BTBD9: variants seen among roughly 807,000 people sequenced by gnomAD.
The protein encoded by BTBD9 is BTB/POZ domain-containing protein 9.
BTBD9 carries 49 observed loss-of-function variants against 64.3 expected under a neutral mutation model. The observed-to-expected ratio is 0.76, with a 90% CI of 0.61 to 0.97. The LOEUF is 0.97. Among genes scored for constraint, BTBD9 ranks in the 50% least tolerant of loss-of-function variants. The probability of loss-of-function intolerance (pLI) is 0.00; values close to 1 mark genes in which losing one functional copy is unlikely to be tolerated. For synonymous variants in BTBD9, 260 were observed against 274.7 expected (o/e 0.95, Z 0.53); for missense variants, 598 against 762.1 (o/e 0.78, Z 2.53).
At chr6:38,325,670 G>A (rs1763396819) in intron 7 of BTBD9, among the ~76,000 whole-genome samples, 3 of 152,160 alleles carry the variant, frequency 2.0e-5, no homozygotes, top group Non-Finnish European at 2.9e-5. Flanking sequence ...GGGCAACAGA[G>A]CAAGACTCCG....
chr6:38,636,404 C>T (rs756518587), intron 1 of BTBD9, among the ~76,000 whole-genome samples: 2 of 152,158 alleles, frequency 1.3e-5, no homozygotes, highest in Non-Finnish European at 2.9e-5. Context: ...TTTTTAAACT[C>T]CCCACAGAAA....
At chr6:38,296,624 A>G (rs1461868113) in intron 7 of BTBD9, among the ~76,000 whole-genome samples, 1 of 151,940 alleles carries the variant, frequency 6.6e-6, no homozygotes, top group African/African-American at 2.4e-5. Context: ...CAATTTTTTG[A>G]TATTTAGTGT....
At chr6:38,552,258 T>C (rs900260524) in intron 6 of BTBD9, among the ~76,000 whole-genome samples, 8 of 152,172 alleles carry the variant, frequency 5.3e-5, no homozygotes, top group Non-Finnish European at 1.0e-4. Context: ...GGAAGCAGTG[T>C]CCAGCATACT....
chr6:38,477,653 C>T (rs1770948675), intron 6 of BTBD9, among the ~76,000 whole-genome samples: 1 of 152,076 alleles, frequency 6.6e-6, no homozygotes, highest in Non-Finnish European at 1.5e-5. Context: ...TTTCTGTCAC[C>T]CTAGTGTTAT....
chr6:38,575,128 C>G (rs770825794), intron 6 of BTBD9, among the ~76,000 whole-genome samples: 23 of 152,150 alleles, frequency 1.5e-4, no homozygotes, highest in Admixed American at 1.2e-3. Flanking sequence ...GAACCATTTA[C>G]CATTACAGAG....
At chr6:38,396,537 G>A (rs1766682225) in intron 6 of BTBD9, among the ~76,000 whole-genome samples, 1 of 152,186 alleles carries the variant, frequency 6.6e-6, no homozygotes, top group South Asian at 2.1e-4. Flanking sequence ...AAGGTAAGGT[G>A]CTATATCATA....
At position 38,624,413 on chromosome 6, in the gene BTBD9, G is replaced by A. The variant is rs1781712; in HGVS notation, c.-28+15387C>T. Among the ~76,000 whole-genome samples the A allele has an allele frequency of 1.2e-3, 178 of 151,988 alleles. 2 individuals carry two copies. The highest frequency in any genetic ancestry group is 9.3e-3 in the South Asian group (45 of 4,814). ...CATCTTTAAGAGCTGTAACACTCAC[G>A]GCGAAGGTCCGCGGCTTCATTCTTG... On this transcript the variant is annotated intron_variant, in intron 1 of 10. Transcript: ENST00000481247.
At position 38,594,364 on chromosome 6, in the gene BTBD9, A is replaced by G. The variant is rs371288084; in HGVS notation, c.186-37T>C. 3.6e-5 allele frequency: 55 copies of G among 1,536,288 alleles called. No homozygotes were observed. The African/African-American group carries it at 6.5e-4, about 18-fold the overall frequency. On this transcript the variant is annotated intron_variant, in intron 2 of 10. Coordinates refer to ENST00000481247, the MANE Select transcript of BTBD9 (RefSeq NM_001099272.2). ...GGAAGAAACACATGAAGAAACCCTCAAATAGGATTTGCTACAAAATATTGG... is the reference window on the plus strand; with the variant it reads ...GGAAGAAACACATGAAGAAACCCTCGAATAGGATTTGCTACAAAATATTGG...
chr6:38,606,872 T>C (rs947945355), intron 1 of BTBD9, among the ~76,000 whole-genome samples: 3 of 152,170 alleles, frequency 2.0e-5, no homozygotes, highest in Non-Finnish European at 4.4e-5. Flanking sequence ...TCCAATCACA[T>C]ACCCAATAAG....
chr6:38,538,787 T>C (rs1251897140), intron 6 of BTBD9, among the ~76,000 whole-genome samples: 1 of 151,708 alleles, frequency 6.6e-6, no homozygotes, highest in Non-Finnish European at 1.5e-5. Context: ...CTTTTTCTTT[T>C]TTTTTTTTCT....
At chr6:38,448,226 AG>A (rs1769364348) in intron 6 of BTBD9, among the ~76,000 whole-genome samples, 1 of 152,236 alleles carries the variant, frequency 6.6e-6, no homozygotes. Context: ...ATGAGGGGAA[AG>A]CACAGATAAC....
chr6:38,500,518 C>T (rs1772149017), intron 6 of BTBD9, among the ~76,000 whole-genome samples: 1 of 152,186 alleles, frequency 6.6e-6, no homozygotes, highest in Non-Finnish European at 1.5e-5. Context: ...TTTAATTTCT[C>T]ACTCCTCCCT....
intron 7 of BTBD9, among the ~76,000 whole-genome samples, chr6:38,325,008 C>A (rs1455774794): frequency 6.6e-6 from 1 of 152,062 alleles, no homozygotes; most frequent in Non-Finnish European, 1.5e-5. Flanking sequence ...TTGCTTAGAA[C>A]AGTGATGACA....
intron 6 of BTBD9, among the ~76,000 whole-genome samples, chr6:38,443,246 A>G (rs1395380050): frequency 6.6e-6 from 1 of 152,216 alleles, no homozygotes; most frequent in Non-Finnish European, 1.5e-5. Flanking sequence ...ACTGACAGAC[A>G]AATGTCCTCT....
At chr6:38,484,057 T>C (rs1278308145) in intron 6 of BTBD9, among the ~76,000 whole-genome samples, 1 of 152,204 alleles carries the variant, frequency 6.6e-6, no homozygotes, top group East Asian at 1.9e-4. Context: ...CAGTGTTTAG[T>C]ATATTGTGGG....
In BTBD9 at chr6:38,169,791, T is replaced by C. The variant is rs1429847294; in HGVS notation, c.*5194A>G. 8.7e-6 allele frequency: 1 copy of C among 114,898 alleles called. No individual in the cohort carries two copies. 7.1% of individuals were successfully genotyped at this position (114,898 alleles called of 1,614,324 possible). On this transcript the variant is annotated 3_prime_UTR_variant, in exon 11 of 11. Coordinates refer to ENST00000481247, the MANE Select transcript of BTBD9 (RefSeq NM_001099272.2). Reference sequence around the variant, plus strand: ...CCCCCCGCCCATTCAGGGCTATAAATACTCACGGACGCAAATGGTAAATGC... The same window carrying C: ...CCCCCCGCCCATTCAGGGCTATAAACACTCACGGACGCAAATGGTAAATGC...
At chr6:38,483,569 C>T (rs1332480323) in intron 6 of BTBD9, among the ~76,000 whole-genome samples, 3 of 152,106 alleles carry the variant, frequency 2.0e-5, no homozygotes, top group South Asian at 4.2e-4. Context: ...GAATTCGACA[C>T]TATCAAGTCC....
intron 9 of BTBD9, among the ~76,000 whole-genome samples, chr6:38,234,654 C>T (rs1022910831): frequency 6.6e-6 from 1 of 152,164 alleles, no homozygotes. Context: ...GAGCCCAGCA[C>T]CAAGCCTTGT....
intron 6 of BTBD9, among the ~76,000 whole-genome samples, chr6:38,347,702 TCTA>T (rs1403141972): frequency 2.0e-5 from 3 of 152,078 alleles, no homozygotes; most frequent in Non-Finnish European, 2.9e-5. Context: ...AGCCTGAAGC[TCTA>T]CATTAAGAAT....
Sources: gnomAD v4.1 joint callset for allele counts (sites outside exome capture counted in the v4.1 genomes callset) on GRCh38, gnomAD v4.1.1 for gene constraint, MANE v1.5 for transcripts, NCBI Gene and HGNC (gene_info 2026-07-23, HGNC 2026-07-21) for gene names.